ADGRV1: variants seen among roughly 807,000 people sequenced by gnomAD.
ADGRV1 encodes adhesion G protein-coupled receptor V1.
ADGRV1 carries 359 observed loss-of-function variants against 596.2 expected under a neutral mutation model. That is an observed-to-expected ratio of 0.60 (90% CI 0.55 to 0.66). The LOEUF is 0.66. Ranked by LOEUF, ADGRV1 falls within the 30% of genes least tolerant of loss-of-function variation. The pLI, the probability that ADGRV1 is intolerant of heterozygous loss-of-function variation, is 0.00. For missense variants in ADGRV1, 7,274 were observed against 7,575.6 expected (o/e 0.96, Z 1.48); for synonymous variants, 2,681 against 2,679.2 (o/e 1.00, Z -0.02).
At chr5:90,804,291 A>G (rs1019198545) in intron 71 of ADGRV1, among the ~76,000 whole-genome samples, 1 of 152,096 alleles carries the variant, frequency 6.6e-6, no homozygotes, top group Non-Finnish European at 1.5e-5. Context: ...AGTCCCAGCT[A>G]TTGGGGAAGG....
chr5:90,928,041 C>G (rs1042801665), intron 83 of ADGRV1, among the ~76,000 whole-genome samples: 2 of 152,110 alleles, frequency 1.3e-5, no homozygotes, highest in African/African-American at 4.8e-5. Flanking sequence ...GTAACCCGAC[C>G]TTTCTCTCTG....
At chr5:90,950,618 A>G (rs1229103393) in intron 83 of ADGRV1, among the ~76,000 whole-genome samples, 1 of 152,176 alleles carries the variant, frequency 6.6e-6, no homozygotes, top group Non-Finnish European at 1.5e-5. Flanking sequence ...CACTGCGCCC[A>G]GGCTTTAAGA....
intron 87 of ADGRV1, among the ~76,000 whole-genome samples, chr5:91,136,296 G>A (rs1357832971): frequency 6.6e-6 from 1 of 152,146 alleles, no homozygotes; most frequent in Non-Finnish European, 1.5e-5. Flanking sequence ...ATCAAAAGAG[G>A]TGCCAGTGCC....
Position 90,778,792 on chromosome 5 carries a change from A to G in ADGRV1, c.12850-73A>G, listed in dbSNP as rs1309847827. The G allele has an allele frequency of 3.2e-6, 4 of 1,251,784 alleles. No homozygotes were observed. The South Asian group carries it at 6.3e-5, about 20-fold the overall frequency. The allele number at this position is 1,251,784 out of a possible 1,614,324, so 77.5% of individuals were successfully genotyped here. A position where few individuals can be genotyped will look rare whatever the true frequency, so the allele number is the denominator to read the frequency against. ...ATTTTAACACAATCCTGGTAAATAG[A>G]ACGTTTAGTTACAGACAGTATTGTC... is the stretch of plus-strand genomic sequence containing the variant. On this transcript the variant is annotated intron_variant, in intron 63 of 89. Transcript: ENST00000405460.
intron 1 of ADGRV1, among the ~76,000 whole-genome samples, chr5:90,565,882 G>A (rs12332567): frequency 0.067 from 10,220 of 151,962 alleles, 1,034 homozygotes; most frequent in African/African-American, 0.23. Context: ...TATCTCATTC[G>A]GGTTTTGATT....
chr5:90,702,788 A>G (rs1380084743), intron 34 of ADGRV1, among the ~76,000 whole-genome samples: 1 of 151,968 alleles, frequency 6.6e-6, no homozygotes, highest in Non-Finnish European at 1.5e-5. Flanking sequence ...TATGCTATAC[A>G]GTTTGATTAA....
At chr5:90,823,640 T>A in intron 76 of ADGRV1, 44 bp downstream of exon 76, 1 of 1,497,676 alleles carries the variant, frequency 6.7e-7, no homozygotes, top group Non-Finnish European at 9.2e-7. Context: ...CTAATTATAT[T>A]TCTTTAGAAT....
chr5:90,563,134 A>G (rs935852188), intron 1 of ADGRV1, among the ~76,000 whole-genome samples: 3 of 152,056 alleles, frequency 2.0e-5, no homozygotes, highest in Non-Finnish European at 4.4e-5. Flanking sequence ...TTATGAATAG[A>G]TTTCAAATGA....
rs1211176928 is a variant in ADGRV1, at chr5:90,647,734, C to A, written c.3259C>A (p.Pro1087Thr). Residue 1087 changes from proline to threonine, a missense_variant, in exon 17 of 90, where the codon CCC becomes ACC. By Grantham distance (38) the Pro-to-Thr change is conservative. Coordinates refer to ENST00000405460, the MANE Select transcript of ADGRV1 (RefSeq NM_032119.4). ...AGATGGTATCCCGGAAACAGATGAG[C>A]CCTTTTATATAATCCTCTTGAATTC... ...NEDGIPETDE[P>T]FYIILLNSTG... The A allele has an allele frequency of 6.2e-7, 1 of 1,613,426 alleles. No individual in the cohort carries two copies. The highest frequency in any genetic ancestry group is 8.5e-7 in the Non-Finnish European group (1 of 1,179,470).
chr5:90,692,350 A>G (rs1479410109), intron 31 of ADGRV1, among the ~76,000 whole-genome samples: 1 of 152,182 alleles, frequency 6.6e-6, no homozygotes, highest in East Asian at 1.9e-4. Context: ...ACATGATTAT[A>G]TAACAATATT....
intron 85 of ADGRV1, among the ~76,000 whole-genome samples, chr5:91,052,313 G>GTAT (rs1271809075): frequency 6.6e-6 from 1 of 150,714 alleles, no homozygotes; most frequent in Non-Finnish European, 1.5e-5. Context: ...AAAAAAAAGT[G>GTAT]TATTTTAGAA....
chr5:90,684,454 T>G (rs1029401185), intron 28 of ADGRV1, among the ~76,000 whole-genome samples: 1 of 152,172 alleles, frequency 6.6e-6, no homozygotes. Flanking sequence ...AAGGTTGGTG[T>G]AGTCTTGAGG....
At chr5:90,851,367 C>T (rs1173014060) in intron 79 of ADGRV1, among the ~76,000 whole-genome samples, 1 of 151,912 alleles carries the variant, frequency 6.6e-6, no homozygotes, top group African/African-American at 2.4e-5. Context: ...ATGAAGATGA[C>T]AAATTGAACA....
intron 20 of ADGRV1, 67 bp downstream of exon 20, chr5:90,654,019 G>T (rs943865471): frequency 6.7e-6 from 10 of 1,497,928 alleles, no homozygotes; most frequent in Non-Finnish European, 8.2e-6. Context: ...TTAAAATTTA[G>T]ATTTTTAAAA....
chr5:90,993,956 T>C (rs1781189426), intron 85 of ADGRV1, among the ~76,000 whole-genome samples: 1 of 150,908 alleles, frequency 6.6e-6, no homozygotes, highest in African/African-American at 2.4e-5. Flanking sequence ...TAACCACAAT[T>C]GACCTGTCTT....
At chr5:90,754,226 T>C (rs988080451) in intron 54 of ADGRV1, among the ~76,000 whole-genome samples, 2 of 152,280 alleles carry the variant, frequency 1.3e-5, no homozygotes, top group African/African-American at 4.8e-5. Context: ...GCACTAAAGG[T>C]ATTAATTGTT....
At chr5:90,817,812 T>C (rs1311718215) in intron 75 of ADGRV1, among the ~76,000 whole-genome samples, 5 of 152,230 alleles carry the variant, frequency 3.3e-5, no homozygotes, top group African/African-American at 1.2e-4. Flanking sequence ...TTTTGGTTAC[T>C]GTAGCCTTGT....
chr5:90,964,327 A>C (rs1329058594), intron 83 of ADGRV1, among the ~76,000 whole-genome samples: 1 of 152,130 alleles, frequency 6.6e-6, no homozygotes, highest in Non-Finnish European at 1.5e-5. Flanking sequence ...TTTTGGAATA[A>C]ATCATTCATT....
chr5:90,851,128 T>TGAGA, intron 79 of ADGRV1, among the ~76,000 whole-genome samples: 1 of 86,808 alleles, frequency 1.2e-5, no homozygotes, highest in African/African-American at 3.6e-5. Context: ...TGTGTGTGTG[T>TGAGA]GTGTGTGAGA....
Sources: allele counts gnomAD v4.1 joint callset (sites outside exome capture counted in the v4.1 genomes callset), GRCh38; gene constraint gnomAD v4.1.1; transcripts MANE v1.5; gene names NCBI Gene and HGNC (gene_info 2026-07-23, HGNC 2026-07-21).